Variants in USH1C observed in about 807,000 individuals in gnomAD.
The protein encoded by USH1C is USH1 protein network component harmonin, also known as harmonin.
USH1C carries 90 observed loss-of-function variants against 119.3 expected under a neutral mutation model. The ratio of observed to expected loss-of-function variants is 0.75; its 90% CI spans 0.64 to 0.90. The LOEUF is 0.90. USH1C is among the 40% of genes least tolerant of loss of function. The pLI, the probability that USH1C is intolerant of heterozygous loss-of-function variation, is 0.00. For synonymous variants in USH1C, 465 were observed against 443.3 expected (o/e 1.05, Z -0.62); for missense variants, 1,165 against 1,167.7 (o/e 1.00, Z 0.03).
intron 1 of USH1C, among the ~76,000 whole-genome samples, chr11:17,538,999 C>A (rs190983507): frequency 1.3e-5 from 2 of 152,290 alleles, no homozygotes; most frequent in African/African-American, 4.8e-5. Flanking sequence ...TTCTGTAGAA[C>A]CTGTTCATAA....
intron 16 of USH1C, among the ~76,000 whole-genome samples, chr11:17,511,339 G>C (rs375728508): frequency 2.7e-5 from 1 of 36,368 alleles, no homozygotes; most frequent in Non-Finnish European, 8.2e-5. Flanking sequence ...TAAGTTGGGT[G>C]GGGGGGGGTC....
At chr11:17,528,923 T>C (rs1004836250) in intron 4 of USH1C, among the ~76,000 whole-genome samples, 3 of 152,250 alleles carry the variant, frequency 2.0e-5, no homozygotes, top group Admixed American at 2.0e-4. Context: ...AATTTGTATC[T>C]CTGTTAATCG....
intron 12 of USH1C, among the ~76,000 whole-genome samples, chr11:17,522,123 C>T (rs766588610): frequency 1.4e-4 from 22 of 152,198 alleles, no homozygotes; most frequent in Non-Finnish European, 2.6e-4. Flanking sequence ...TGAGTCACTG[C>T]GTCCAGCCAT....
intron 16 of USH1C, among the ~76,000 whole-genome samples, chr11:17,511,310 C>T (rs1849879387): frequency 6.7e-6 from 1 of 149,750 alleles, no homozygotes; most frequent in Non-Finnish European, 1.5e-5. Flanking sequence ...GCCTCAGACC[C>T]ATATTCTCAG....
chr11:17,510,509 C>T lies in USH1C; in HGVS notation c.1426G>A (p.Glu476Lys). The change falls in exon 17 of 27, where the codon GAG (glutamate) becomes AAG (lysine). Residue 476 changes from glutamate to lysine, a missense_variant. Physicochemically the swap from Glu to Lys is moderately conservative, Grantham distance 56. Coordinates refer to ENST00000005226, the MANE Select transcript of USH1C (RefSeq NM_153676.4). ...TCCGATTCTTCAAGGTCTTCCCGCT[C>T]TGTCTCAGACACCTGGGACCCAGGA... is the stretch of plus-strand genomic sequence containing the variant. ...NRLAQEVSET[E>K]REDLEESEKI... The T allele has an allele frequency of 6.2e-7, 1 of 1,613,888 alleles. No homozygotes were observed. Among genetic ancestry groups the T allele is most frequent in the Non-Finnish European group, 8.5e-7 (1 of 1,179,796 alleles).
chr11:17,533,441 T>A, intron 1 of USH1C, 119 bp from the exon 2 acceptor site: 1 of 771,518 alleles, frequency 1.3e-6, no homozygotes, highest in Non-Finnish European at 2.3e-6. Context: ...GCTGGAGTTG[T>A]GAGGAGAGAA....
chr11:17,512,179 AC>A, intron 15 of USH1C, 125 bp from the exon 16 acceptor site: 1 of 1,052,580 alleles, frequency 9.5e-7, no homozygotes, highest in Non-Finnish European at 1.5e-6. Context: ...CAGCTCTCTC[AC>A]CACTCTGGAC....
chr11:17,529,529 C>G (rs1242464131), intron 4 of USH1C, among the ~76,000 whole-genome samples: 1 of 152,244 alleles, frequency 6.6e-6, no homozygotes, highest in Non-Finnish European at 1.5e-5. Context: ...AAGCATGAAC[C>G]CCAGACAGGT....
chr11:17,531,095 A>T lies in USH1C; in HGVS notation c.387+59T>A. 6.2e-7 allele frequency: 1 copy of T among 1,611,572 alleles called. No homozygotes were observed. The highest frequency in any genetic ancestry group is 8.5e-7 in the Non-Finnish European group (1 of 1,179,328). The stretch of plus-strand genomic sequence containing the variant: ...TGCCACACAGCCTAGTGGATGAATG[A>T]GGGGGAGGCAGGAGGTCCGAGGCCC... On this transcript the variant is annotated intron_variant, in intron 4 of 26. Transcript: ENST00000005226. This position sits in a 1 kb window ranked among gnomAD's most constrained non-coding sequence, Gnocchi z 4.2.
At chr11:17,511,869 G>A in intron 16 of USH1C, 33 bp downstream of exon 16, 4 of 1,601,912 alleles carry the variant, frequency 2.5e-6, no homozygotes, top group Non-Finnish European at 3.4e-6. Context: ...GTGTCCCAGG[G>A]TTGCTTGCCT....
chr11:17,524,333 C>T, intron 9 of USH1C, 118 bp downstream of exon 9: 1 of 1,120,446 alleles, frequency 8.9e-7, no homozygotes, highest in South Asian at 1.3e-5. Flanking sequence ...GGCTCCTACT[C>T]CCTCAGTGTC....
chr11:17,512,157 G>A (rs1849921675), intron 15 of USH1C, 103 bp from the exon 16 acceptor site: 7 of 1,329,722 alleles, frequency 5.3e-6, no homozygotes, highest in Admixed American at 5.1e-5. Flanking sequence ...ATCCCATGGT[G>A]AGCCCCTCCC....
intron 20 of USH1C, among the ~76,000 whole-genome samples, chr11:17,504,205 G>T (rs1349553895): frequency 6.6e-6 from 1 of 152,166 alleles, no homozygotes; most frequent in South Asian, 2.1e-4. Context: ...CCTCCCTGAC[G>T]CTGGTTCAGT....
intron 19 of USH1C, among the ~76,000 whole-genome samples, chr11:17,505,371 G>A (rs567449951): frequency 2.4e-4 from 37 of 152,378 alleles, no homozygotes; most frequent in African/African-American, 8.2e-4. Flanking sequence ...GGGTAACAGC[G>A]TGGGCTTTGG....
intron 7 of USH1C, 136 bp downstream of exon 7, chr11:17,526,617 G>A (rs529296697): frequency 3.8e-5 from 44 of 1,158,278 alleles, no homozygotes; most frequent in South Asian, 2.6e-4. Flanking sequence ...GCCCCACAGC[G>A]GTGTGCTGGC....
chr11:17,526,629 G>C (rs1850688007), intron 7 of USH1C, 124 bp downstream of exon 7: 2 of 1,220,696 alleles, frequency 1.6e-6, no homozygotes, highest in African/African-American at 1.5e-5. Context: ...TGTGCTGGCT[G>C]CCCTGGGAGC....
intron 20 of USH1C, among the ~76,000 whole-genome samples, chr11:17,503,588 C>T (rs1384164118): frequency 6.6e-6 from 1 of 152,192 alleles, no homozygotes; most frequent in African/African-American, 2.4e-5. Context: ...CCCTGCTTCT[C>T]TCCCTGTGAG....
intron 1 of USH1C, among the ~76,000 whole-genome samples, chr11:17,539,145 G>A (rs909652902): frequency 3.3e-5 from 5 of 151,984 alleles, no homozygotes; most frequent in Non-Finnish European, 7.4e-5. Context: ...TTCAAATGTC[G>A]CCTCTTCTTG....
intron 14 of USH1C, 99 bp downstream of exon 14, chr11:17,520,771 C>T: frequency 7.0e-7 from 1 of 1,429,880 alleles, no homozygotes; most frequent in South Asian, 1.1e-5. Context: ...CAGCCCAGAG[C>T]ACCAAGGGCT....
Sources: allele counts gnomAD v4.1 joint callset (sites outside exome capture counted in the v4.1 genomes callset), GRCh38; gene constraint gnomAD v4.1.1; non-coding constraint Gnocchi (gnomAD v3.1); transcripts MANE v1.5; gene names NCBI Gene and HGNC (gene_info 2026-07-23, HGNC 2026-07-21).